Variants in SGCZ observed in about 807,000 individuals in gnomAD.
The protein encoded by SGCZ is zeta-sarcoglycan.
A neutral mutation model predicts 41.3 loss-of-function variants in SGCZ; 40 were observed. That is an observed-to-expected ratio of 0.97 (90% CI 0.75 to 1.26). SGCZ has a LOEUF of 1.26. Among genes scored for constraint, SGCZ ranks in the 50% most tolerant of loss-of-function variants. The pLI, the probability that SGCZ is intolerant of heterozygous loss-of-function variation, is 0.00. For synonymous variants in SGCZ, 206 were observed against 137.5 expected, an observed-to-expected ratio of 1.50 and a Z score of -3.49; for missense variants, 552 against 369.8, an observed-to-expected ratio of 1.49 and a Z score of -4.04.
At chr8:14,716,092 C>T (rs192893508) in intron 1 of SGCZ, among the ~76,000 whole-genome samples, 11 of 151,594 alleles carry the variant, frequency 7.3e-5, no homozygotes, top group Non-Finnish European at 1.2e-4. Context: ...TAAACAAGGC[C>T]GATAAAGTGG....
intron 2 of SGCZ, among the ~76,000 whole-genome samples, chr8:14,481,803 G>A (rs1392980358): frequency 6.6e-6 from 1 of 152,058 alleles, no homozygotes; most frequent in East Asian, 1.9e-4. Context: ...CTCTAATCAA[G>A]GGATAACCGA....
intron 3 of SGCZ, among the ~76,000 whole-genome samples, chr8:14,318,753 T>C (rs950573990): frequency 6.6e-6 from 1 of 151,850 alleles, no homozygotes; most frequent in South Asian, 2.1e-4. Context: ...CCACAATCTC[T>C]CTAGCAAAAC....
intron 1 of SGCZ, among the ~76,000 whole-genome samples, chr8:14,681,204 G>C (rs1048811920): frequency 6.6e-6 from 1 of 152,006 alleles, no homozygotes; most frequent in East Asian, 1.9e-4. Flanking sequence ...GAAAATCCAT[G>C]ATTATGAGTC....
chr8:14,186,807 C>G (rs1180472023), intron 4 of SGCZ, among the ~76,000 whole-genome samples: 1 of 152,152 alleles, frequency 6.6e-6, no homozygotes, highest in African/African-American at 2.4e-5. Flanking sequence ...GAGACCAAAA[C>G]TTCATCGGAG....
At chr8:14,880,419 G>C (rs1042198048) in intron 1 of SGCZ, among the ~76,000 whole-genome samples, 1 of 152,174 alleles carries the variant, frequency 6.6e-6, no homozygotes, top group African/African-American at 2.4e-5. Context: ...TGTAGAACTA[G>C]AAATACCATT....
chr8:15,149,114 G>T lies in SGCZ; in HGVS notation c.39+88471C>A, dbSNP rs151140603. 9.9e-3 allele frequency among the ~76,000 whole-genome samples: 1,508 copies of T among 152,210 alleles called. 56 individuals are homozygous for T. In the South Asian group the frequency reaches 0.14, roughly 14 times the overall value. Reference sequence around the variant, plus strand: ...CTGTTTTGAAGATGCAATCACCGGTGGTCCTTCCCCACAGCAGGTCAGAGG... The same window carrying T: ...CTGTTTTGAAGATGCAATCACCGGTTGTCCTTCCCCACAGCAGGTCAGAGG... On this transcript the variant is annotated intron_variant, in intron 1 of 7. Coordinates refer to ENST00000382080, the MANE Select transcript of SGCZ (RefSeq NM_139167.4).
At chr8:15,162,194 T>A (rs73529369) in intron 1 of SGCZ, among the ~76,000 whole-genome samples, 6,635 of 152,272 alleles carry the variant, frequency 0.044, 358 homozygotes, top group African/African-American at 0.13. Context: ...GTTAGACCTG[T>A]TAAGAAAGTG....
In SGCZ at chr8:14,498,734, A is replaced by C. The variant is rs531424926; in HGVS notation, c.234+55998T>G. 9.5e-4 allele frequency among the ~76,000 whole-genome samples: 145 copies of C among 152,174 alleles called. 2 individuals are homozygous for C. The highest frequency in any genetic ancestry group is 3.2e-3 in the African/African-American group (134 of 41,560). ...TTATTACTTATTTGTGTTACTCATA[A>C]GTTCAGAATCTTATTTATATTAATC... On this transcript the variant is annotated intron_variant, in intron 2 of 7. Transcript: ENST00000382080.
At chr8:15,104,248 A>T (rs1330230813) in intron 1 of SGCZ, among the ~76,000 whole-genome samples, 2 of 152,148 alleles carry the variant, frequency 1.3e-5, no homozygotes, top group Non-Finnish European at 2.9e-5. Flanking sequence ...CATCTAAGCT[A>T]CCCAGCAGCT....
intron 2 of SGCZ, among the ~76,000 whole-genome samples, chr8:14,395,809 T>C (rs10098106): frequency 0.17 from 25,602 of 152,126 alleles, 5,083 homozygotes; most frequent in African/African-American, 0.48. Context: ...CAACCCAAAG[T>C]TATCTGGCAC....
chr8:15,201,161 C>A (rs1474696935), intron 1 of SGCZ, among the ~76,000 whole-genome samples: 1 of 152,126 alleles, frequency 6.6e-6, no homozygotes, highest in Admixed American at 6.5e-5. Context: ...GGACTACAGG[C>A]CTGTGCCATC....
intron 2 of SGCZ, among the ~76,000 whole-genome samples, chr8:14,503,604 C>A (rs1426875095): frequency 6.6e-6 from 1 of 151,970 alleles, no homozygotes; most frequent in African/African-American, 2.4e-5. Flanking sequence ...CCAATCTCTA[C>A]TGAAAATACA....
At chr8:14,906,656 C>A (rs1335290968) in intron 1 of SGCZ, among the ~76,000 whole-genome samples, 1 of 152,168 alleles carries the variant, frequency 6.6e-6, no homozygotes, top group Non-Finnish European at 1.5e-5. Flanking sequence ...TTACCCCTCA[C>A]CAGTACTGAA....
At chr8:14,395,016 C>T (rs185829936) in intron 2 of SGCZ, among the ~76,000 whole-genome samples, 2 of 152,240 alleles carry the variant, frequency 1.3e-5, no homozygotes, top group Admixed American at 6.5e-5. Flanking sequence ...AATTGTAAAA[C>T]TGATGTAGTG....
At chr8:14,231,104 G>T (rs943556418) in intron 4 of SGCZ, among the ~76,000 whole-genome samples, 1 of 149,578 alleles carries the variant, frequency 6.7e-6, no homozygotes, top group Non-Finnish European at 1.5e-5. Context: ...TTTCTAAAAG[G>T]TGTCCTGACT....
At chr8:14,318,337 G>T (rs979952) in intron 3 of SGCZ, among the ~76,000 whole-genome samples, 138,559 of 151,942 alleles carry the variant, frequency 0.91, 63,457 homozygotes, top group Middle Eastern at 0.96. Flanking sequence ...TCTCCCTCAC[G>T]CTTTAACAAT....
intron 7 of SGCZ, among the ~76,000 whole-genome samples, chr8:14,091,712 G>T (rs1280943869): frequency 6.6e-6 from 1 of 152,076 alleles, no homozygotes; most frequent in Non-Finnish European, 1.5e-5. Flanking sequence ...TAAGTTCTTT[G>T]TAGGTTCTGG....
At chr8:14,283,349 C>G (rs746891106) in intron 3 of SGCZ, among the ~76,000 whole-genome samples, 1 of 152,178 alleles carries the variant, frequency 6.6e-6, no homozygotes, top group Non-Finnish European at 1.5e-5. Context: ...TCTGTCGCAA[C>G]TTTCTCAGCA....
chr8:14,522,806 A>G (rs1802829402), intron 2 of SGCZ, among the ~76,000 whole-genome samples: 1 of 151,814 alleles, frequency 6.6e-6, no homozygotes, highest in South Asian at 2.1e-4. Context: ...ATCCTGAGAT[A>G]GGAGCTGAAA....
Sources: gnomAD v4.1 joint callset for allele counts (sites outside exome capture counted in the v4.1 genomes callset) on GRCh38, gnomAD v4.1.1 for gene constraint, MANE v1.5 for transcripts, NCBI Gene and HGNC (gene_info 2026-07-23, HGNC 2026-07-21) for gene names.